Variants in TP63 observed in about 807,000 individuals in gnomAD.
The protein encoded by TP63 is tumor protein p63.
Under a neutral mutation model 82.8 loss-of-function variants are expected in TP63, and 17 were observed. The ratio of observed to expected loss-of-function variants is 0.21; its 90% CI spans 0.14 to 0.31. The LOEUF (loss-of-function observed/expected upper bound fraction) is 0.31. TP63 is among the 10% of genes least tolerant of loss of function. TP63 has a pLI of 1.00. For missense variants in TP63, 648 were observed against 895.3 expected (o/e 0.72, Z 3.52); for synonymous variants, 330 against 321.7 (o/e 1.03, Z -0.28).
upstream of TP63, among the ~76,000 whole-genome samples, chr3:189,627,036 A>G (rs1297955104): frequency 6.6e-6 from 1 of 152,132 alleles, no homozygotes; most frequent in East Asian, 1.9e-4. Flanking sequence ...AAAATAAAGT[A>G]TCTAAGGCTC....
chr3:189,833,311 T>C (rs1481528249), intron 4 of TP63, among the ~76,000 whole-genome samples: 1 of 152,214 alleles, frequency 6.6e-6, no homozygotes, highest in Non-Finnish European at 1.5e-5. Flanking sequence ...GACCAGCATA[T>C]AAACAAGTTC....
intron 1 of TP63, among the ~76,000 whole-genome samples, chr3:189,682,590 A>ATATC (rs1322719176): frequency 7.3e-6 from 1 of 137,122 alleles, no homozygotes; most frequent in African/African-American, 2.7e-5. Flanking sequence ...ATATATATAT[A>ATATC]TATATCCTAT....
chr3:189,644,417 A>T (rs1164812813), intron 1 of TP63, among the ~76,000 whole-genome samples: 1 of 152,008 alleles, frequency 6.6e-6, no homozygotes, highest in Non-Finnish European at 1.5e-5. Context: ...GTGCATATTC[A>T]CTTATGAGTT....
At chr3:189,851,566 C>G (rs1161365368) in intron 4 of TP63, among the ~76,000 whole-genome samples, 1 of 152,078 alleles carries the variant, frequency 6.6e-6, no homozygotes, top group Non-Finnish European at 1.5e-5. Context: ...CAGAGCGAGA[C>G]TCTGCCTCAA....
chr3:189,631,072 A>G (rs1005802441), upstream of TP63, among the ~76,000 whole-genome samples: 2 of 152,204 alleles, frequency 1.3e-5, no homozygotes, highest in Admixed American at 1.3e-4. Flanking sequence ...GTGGACACTC[A>G]TCAGCTCAGT....
rs1318876084 is a variant in TP63, at chr3:189,896,013, A to ACC, written c.*1512_*1513dup. ...GTCTTTCATGGCTGCTGTTGCTTAA[A>ACC]CCACTTAAACGAAGAGTTCCCTTGA... On this transcript the variant is annotated 3_prime_UTR_variant, in exon 14 of 14. Transcript: ENST00000264731. The ACC allele has an allele frequency of 4.4e-6, 1 of 229,358 alleles. No homozygotes were observed. The allele number at this position is 229,358 out of a possible 1,614,324, so 14.2% of individuals were successfully genotyped here. A position where few individuals can be genotyped will look rare whatever the true frequency, so the allele number is the denominator to read the frequency against.
chr3:189,844,653 G>T (rs1261566070), intron 4 of TP63, among the ~76,000 whole-genome samples: 5 of 152,256 alleles, frequency 3.3e-5, no homozygotes, highest in Non-Finnish European at 7.4e-5. Context: ...TGTTTTTCAA[G>T]TGAGTTTTTT....
chr3:189,647,601 G>A (rs1386236977), intron 1 of TP63, among the ~76,000 whole-genome samples: 1 of 146,356 alleles, frequency 6.8e-6, no homozygotes. Flanking sequence ...GAGATGGGGG[G>A]ATATCTCTCA....
chr3:189,856,859 T>C (rs373970184), intron 4 of TP63, among the ~76,000 whole-genome samples: 5 of 152,062 alleles, frequency 3.3e-5, no homozygotes, highest in African/African-American at 9.6e-5. Context: ...AAAACATTTC[T>C]GAGTAAAATT....
chr3:189,730,793 G>A (rs542430566), intron 1 of TP63, among the ~76,000 whole-genome samples: 1 of 152,294 alleles, frequency 6.6e-6, no homozygotes, highest in Admixed American at 6.5e-5. Context: ...ACCCTGTCAA[G>A]GAGGCCTTTG....
At chr3:189,787,717 T>C (rs1292091575) in intron 3 of TP63, among the ~76,000 whole-genome samples, 1 of 152,070 alleles carries the variant, frequency 6.6e-6, no homozygotes, top group South Asian at 2.1e-4. Context: ...AATGGCTACA[T>C]GATCCCATTA....
chr3:189,817,659 T>G (rs1728336342), intron 4 of TP63, among the ~76,000 whole-genome samples: 1 of 152,082 alleles, frequency 6.6e-6, no homozygotes, highest in Admixed American at 6.6e-5. Flanking sequence ...GGTTTTTTAT[T>G]TCTACAAAGA....
chr3:189,684,283 AC>A (rs1320546527), intron 1 of TP63, among the ~76,000 whole-genome samples: 1 of 152,156 alleles, frequency 6.6e-6, no homozygotes, highest in Non-Finnish European at 1.5e-5. Context: ...GTTCTTTAAA[AC>A]CTAACATCCT....
At chr3:189,882,204 G>T (rs1486306726) in intron 10 of TP63, among the ~76,000 whole-genome samples, 2 of 151,938 alleles carry the variant, frequency 1.3e-5, no homozygotes, top group Non-Finnish European at 2.9e-5. Flanking sequence ...TTTGATATTT[G>T]CTTTTCTTTC....
chr3:189,887,128 G>A (rs1270258053), intron 11 of TP63, among the ~76,000 whole-genome samples: 8 of 150,540 alleles, frequency 5.3e-5, no homozygotes, highest in Non-Finnish European at 7.4e-5. Flanking sequence ...AAAATCACTT[G>A]AACCCGGGAG....
At chr3:189,829,682 T>A (rs1712003968) in intron 4 of TP63, among the ~76,000 whole-genome samples, 1 of 152,224 alleles carries the variant, frequency 6.6e-6, no homozygotes, top group African/African-American at 2.4e-5. Flanking sequence ...CTGGAAAGTT[T>A]GGAGCTCTTA....
intron 4 of TP63, among the ~76,000 whole-genome samples, chr3:189,848,239 T>TTCTCTCTCTCTCTCTC (rs59468983): frequency 0.041 from 3,965 of 95,848 alleles, 469 homozygotes; most frequent in South Asian, 0.058. Context: ...CTCCTCCTCC[T>TTCTCTCTCTCTCTCTC]TCTCTCTCTC....
chr3:189,624,363 A>G, the TP63 span, among the ~76,000 whole-genome samples: 1 of 152,168 alleles, frequency 6.6e-6, no homozygotes, highest in Admixed American at 6.6e-5. Context: ...TGTTATAAGT[A>G]TTTCACAAGC....
At chr3:189,720,901 G>A (rs1264694022) in intron 1 of TP63, among the ~76,000 whole-genome samples, 2 of 152,138 alleles carry the variant, frequency 1.3e-5, no homozygotes, top group African/African-American at 4.8e-5. Context: ...GCAGCCACAT[G>A]GCAATCACAC....
Sources: allele counts gnomAD v4.1 joint callset (sites outside exome capture counted in the v4.1 genomes callset), GRCh38; gene constraint gnomAD v4.1.1; transcripts MANE v1.5; gene names NCBI Gene and HGNC (gene_info 2026-07-23, HGNC 2026-07-21).